Variants in HKDC1 observed in about 807,000 individuals in gnomAD.
HKDC1 encodes the protein hexokinase HKDC1.
Under a neutral mutation model 96.6 loss-of-function variants are expected in HKDC1, and 66 were observed. That is an observed-to-expected ratio of 0.68 (90% CI 0.56 to 0.84). The LOEUF is 0.84. Ranked by LOEUF, HKDC1 falls within the 40% of genes least tolerant of loss-of-function variation. HKDC1 has a pLI of 0.00. For missense variants in HKDC1, 1,211 were observed against 1,208.1 expected (o/e 1.00, Z -0.04); for synonymous variants, 466 against 473.1 (o/e 0.98, Z 0.20).
chr10:69,255,883 C>T (rs949949524), intron 12 of HKDC1, among the ~76,000 whole-genome samples: 1 of 150,268 alleles, frequency 6.7e-6, no homozygotes, highest in Non-Finnish European at 1.5e-5. Flanking sequence ...CACCATTACA[C>T]TCCAGCCTAG....
chr10:69,265,597 C>T lies in HKDC1; in HGVS notation c.2385C>T (p.Ala795=). ...FLSQIESDRL[A]LLQVRRILQQ... ...CTATTGCCTGCAGCGATCGGCTGGC[C>T]CTTCTCCAGGTCAGGAGGATTCTGC... The change falls in exon 17 of 18, where the codon GCC becomes GCT. Residue 795 remains alanine (A), a synonymous_variant. Transcript: ENST00000354624. 1 of 1,613,528 alleles carries T rather than the reference C, an allele frequency of 6.2e-7. No individual in the cohort carries two copies. The highest frequency in any genetic ancestry group is 1.3e-5 in the African/African-American group (1 of 75,012).
intron 4 of HKDC1, among the ~76,000 whole-genome samples, chr10:69,234,588 A>G (rs1843333399): frequency 1.3e-5 from 2 of 152,346 alleles, no homozygotes; most frequent in East Asian, 3.9e-4. Context: ...GGATAATAAC[A>G]TCTGCTTGTT....
At position 69,258,904 on chromosome 10, in the gene HKDC1, T is replaced by C. The variant is rs1111335; in HGVS notation, c.2161T>C (p.Trp721Arg). The C allele has an allele frequency of 1, 1,608,041 of 1,610,876 alleles. 802,631 individuals carry two copies. Among genetic ancestry groups the C allele is most frequent in the Non-Finnish European group, 1 (1,178,533 of 1,178,722 alleles). The change falls in exon 15 of 18, where the codon TGG becomes CGG. Residue 721 changes from tryptophan to arginine, a missense_variant. By Grantham distance (101) the Trp-to-Arg change is moderately radical. Coordinates refer to ENST00000354624, the MANE Select transcript of HKDC1 (RefSeq NM_025130.4). ...AGACAATGGCTGCATAGATGACATC[T>C]GGACCCGATACGACACGGAGGTGGA... ...FGDNGCIDDI[W>R]TRYDTEVDEG...
intron 7 of HKDC1, among the ~76,000 whole-genome samples, chr10:69,244,465 C>T (rs938130238): frequency 3.3e-5 from 5 of 152,190 alleles, no homozygotes; most frequent in Admixed American, 2.6e-4. Context: ...GTCCCAAGGA[C>T]GTGGTGTCCA....
At chr10:69,225,665 A>T (rs1238873518) in intron 1 of HKDC1, among the ~76,000 whole-genome samples, 1 of 152,068 alleles carries the variant, frequency 6.6e-6, no homozygotes, top group Non-Finnish European at 1.5e-5. Context: ...CGCGAAGGTA[A>T]TGTGAGCCCT....
At chr10:69,259,084 T>A in intron 15 of HKDC1, 125 bp downstream of exon 15, 1 of 756,184 alleles carries the variant, frequency 1.3e-6, no homozygotes, top group Non-Finnish European at 1.9e-6. Flanking sequence ...CAGTGAAATA[T>A]CCTATTGGAA....
rs755652822 is a variant in HKDC1 at position 69,233,113 on chromosome 10, C to T, written c.475C>T (p.Arg159Ter). The T allele has an allele frequency of 1.5e-5, 25 of 1,613,872 alleles. No homozygotes were observed. The highest frequency in any genetic ancestry group is 2.7e-5 in the African/African-American group (2 of 74,890). The change falls in exon 4 of 18, where the codon CGA becomes TGA. Residue 159 changes from arginine to a stop codon, truncating the protein, a stop_gained. Coordinates refer to ENST00000354624, the MANE Select transcript of HKDC1 (RefSeq NM_025130.4). LOFTEE classifies it high-confidence loss of function. ...PLGLTFSFPCRQTKLEEGVLL... is the reference protein window; with the variant it reads ...PLGLTFSFPC ...TGGCCTAACTTTTTCTTTCCCCTGTCGACAGACTAAACTGGAAGAGGTAAG... is the reference window on the plus strand; with the variant it reads ...TGGCCTAACTTTTTCTTTCCCCTGTTGACAGACTAAACTGGAAGAGGTAAG...
At chr10:69,243,047 C>T in intron 6 of HKDC1, 135 bp from the exon 7 acceptor site, 1 of 822,274 alleles carries the variant, frequency 1.2e-6, no homozygotes, top group Non-Finnish European at 2.0e-6. Flanking sequence ...CTGCTTCCCT[C>T]AGCGAGAGCC....
At chr10:69,241,282 G>A (rs1327391454) in intron 6 of HKDC1, among the ~76,000 whole-genome samples, 1 of 152,116 alleles carries the variant, frequency 6.6e-6, no homozygotes, top group African/African-American at 2.4e-5. Context: ...GGCACTGGGG[G>A]AACCCTATAG....
intron 8 of HKDC1, among the ~76,000 whole-genome samples, chr10:69,246,896 G>A (rs1843549641): frequency 1.3e-5 from 2 of 152,238 alleles, no homozygotes; most frequent in Non-Finnish European, 2.9e-5. Context: ...GCCACGTGGC[G>A]CTGACCTGCA....
At chr10:69,230,216 C>T (rs1203757230) in intron 2 of HKDC1, among the ~76,000 whole-genome samples, 1 of 152,186 alleles carries the variant, frequency 6.6e-6, no homozygotes, top group Non-Finnish European at 1.5e-5. Flanking sequence ...CTCTGCCAGT[C>T]ATGGAAGGGG....
chr10:69,220,869 G>A (rs1446482527), intron 1 of HKDC1, among the ~76,000 whole-genome samples: 2 of 152,240 alleles, frequency 1.3e-5, no homozygotes, highest in African/African-American at 4.8e-5. Context: ...GGAGCAGAAG[G>A]CTGGGCGCAG....
At position 69,256,975 on chromosome 10, in the gene HKDC1, G is replaced by A. The variant is rs945866704; in HGVS notation, c.1837-61G>A. ...TAGTGCTTTGCATCTGTTGGATGTT[G>A]AGGTTGTGCAGTGGCCCTAGCAAAC... is the stretch of plus-strand genomic sequence containing the variant. On this transcript the variant is annotated intron_variant, in intron 12 of 17. Transcript: ENST00000354624. The A allele has an allele frequency of 1.0e-5, 13 of 1,241,198 alleles. No homozygotes were observed. The African/African-American group carries it at 1.9e-4, about 18-fold the overall frequency. The allele number at this position is 1,241,198 out of a possible 1,614,324, so 76.9% of individuals were successfully genotyped here. A position where few individuals can be genotyped will look rare whatever the true frequency, so the allele number is the denominator to read the frequency against.
Position 69,220,486 on chromosome 10 carries a change from C to A in HKDC1, c.51C>A (p.Asp17Glu), listed in dbSNP as rs769960575. 1.3e-5 allele frequency: 20 copies of A among 1,599,586 alleles called. No homozygotes were observed. Among genetic ancestry groups the A allele is most frequent in the Non-Finnish European group, 1.7e-5 (20 of 1,173,606 alleles). ...MAFYFSKLKE[D>E]QIKKVDRFLY... ...TTTACTTCAGCAAGCTGAAGGAGGA[C>A]CAGATCAAGAAGGTAAGGAGGACCC... Residue 17 changes from aspartate (D) to glutamate (E), a missense_variant, in exon 1 of 18, where the codon GAC becomes GAA. Coordinates refer to ENST00000354624, the MANE Select transcript of HKDC1 (RefSeq NM_025130.4).
chr10:69,266,965 CA>C lies in HKDC1; in HGVS notation c.*212del. On this transcript the variant is annotated 3_prime_UTR_variant, in exon 18 of 18. Coordinates refer to ENST00000354624, the MANE Select transcript of HKDC1 (RefSeq NM_025130.4). ...ACATCTCTATTTGGTATATTTGGGC[CA>C]AAATGGGCCAACTTATGAAATCAAA... is the stretch of plus-strand genomic sequence containing the variant. The C allele has an allele frequency of 2.2e-6, 1 of 452,344 alleles. No homozygotes were observed. Among genetic ancestry groups the C allele is most frequent in the Non-Finnish European group, 3.9e-6 (1 of 257,400 alleles). 28.0% of individuals were successfully genotyped at this position (452,344 alleles called of 1,614,324 possible). A position where few individuals can be genotyped will look rare whatever the true frequency, so the allele number is the denominator to read the frequency against.
chr10:69,266,493 T>G, intron 17 of HKDC1, 117 bp from the exon 18 acceptor site: 1 of 1,107,422 alleles, frequency 9.0e-7, no homozygotes, highest in South Asian at 1.6e-5. Flanking sequence ...AAGAAGCTGT[T>G]TAGAGCCTTG....
intron 2 of HKDC1, among the ~76,000 whole-genome samples, chr10:69,228,928 AAAGAAAG>A (rs1372656394): frequency 1.3e-5 from 2 of 152,080 alleles, no homozygotes; most frequent in African/African-American, 4.8e-5. Flanking sequence ...GAAAGAAAGG[AAAGAAAG>A]AAGAAAGAGA....
chr10:69,248,647 TATG>T lies in HKDC1; in HGVS notation c.1490_1492del (p.Tyr497_Gly498delinsTrp), dbSNP rs1259542189. ...GGCCAAGATGCGGGCTGAGCTGGAG[TATG>T]GGCTGAAGAAGAAGAGCCACGGGCT... On this transcript the variant is annotated inframe_deletion, in exon 10 of 18. Coordinates refer to ENST00000354624, the MANE Select transcript of HKDC1 (RefSeq NM_025130.4). 6.2e-7 allele frequency: 1 copy of T among 1,613,484 alleles called. No homozygotes were observed. Among genetic ancestry groups the T allele is most frequent in the Admixed American group, 1.7e-5 (1 of 59,938 alleles).
At chr10:69,227,143 T>C in intron 1 of HKDC1, 64 bp from the exon 2 acceptor site, 1 of 1,575,850 alleles carries the variant, frequency 6.3e-7, no homozygotes, top group Non-Finnish European at 8.7e-7. Flanking sequence ...TGTCGGGGGT[T>C]ACAGCCTCGA....
Sources: gnomAD v4.1 joint callset for allele counts (sites outside exome capture counted in the v4.1 genomes callset) on GRCh38, gnomAD v4.1.1 for gene constraint, MANE v1.5 for transcripts, NCBI Gene and HGNC (gene_info 2026-07-23, HGNC 2026-07-21) for gene names.